The following EYS variants were observed in gnomAD, a reference collection of about 807,000 sequenced individuals.
EYS encodes protein eyes shut homolog.
In EYS, 250 loss-of-function variants were observed where a neutral mutation model predicts 282.1. The ratio of observed to expected loss-of-function variants is 0.89; its 90% CI spans 0.80 to 0.98. The LOEUF (loss-of-function observed/expected upper bound fraction) is 0.98. EYS is among the 50% of genes least tolerant of loss of function. The pLI is 0.00. For synonymous variants in EYS, 1,355 were observed against 1,282.9 expected, an observed-to-expected ratio of 1.06 and a Z score of -1.20; for missense variants, 4,016 against 3,709.0, an observed-to-expected ratio of 1.08 and a Z score of -2.15.
At chr6:64,607,222 G>A (rs1297056037) in intron 24 of EYS, among the ~76,000 whole-genome samples, 1 of 151,730 alleles carries the variant, frequency 6.6e-6, no homozygotes, top group Non-Finnish European at 1.5e-5. Flanking sequence ...GAATAAGCTA[G>A]CAGGTGTAAA....
chr6:65,187,031 A>C lies in EYS; in HGVS notation c.2023+108832T>G, dbSNP rs555849526. 7.2e-5 allele frequency among the ~76,000 whole-genome samples: 11 copies of C among 151,912 alleles called. No homozygotes were observed. The East Asian group carries it at 2.1e-3, about 30-fold the overall frequency. The stretch of plus-strand genomic sequence containing the variant: ...GGGCAGATTCCAATAGGCTGGGAAC[A>C]CAGGCACTATTTGGGGTTGTATACT... On this transcript the variant is annotated intron_variant, in intron 12 of 42. Coordinates refer to ENST00000503581, the MANE Select transcript of EYS (RefSeq NM_001142800.2).
intron 12 of EYS, among the ~76,000 whole-genome samples, chr6:65,264,903 AT>A (rs1767711371): frequency 6.6e-6 from 1 of 151,658 alleles, no homozygotes; most frequent in African/African-American, 2.4e-5. Flanking sequence ...TATTCTATTT[AT>A]TTTATCTAAA....
chr6:64,832,487 A>T (rs1765254517), intron 19 of EYS, among the ~76,000 whole-genome samples: 1 of 151,856 alleles, frequency 6.6e-6, no homozygotes, highest in Admixed American at 6.6e-5. Context: ...AATTTCACTT[A>T]TGCAAGATGA....
Position 64,950,832 on chromosome 6 carries a change from T to TATATATAA in EYS, c.2260-4919_2260-4918insTTATATAT, listed in dbSNP as rs1310289103. ...ATATATATATATATATATATATATA[T>TATATATAA]ATTGTTGAATTGTTACAAGAACAAC... On this transcript the variant is annotated intron_variant, in intron 14 of 42. Transcript: ENST00000503581. 5.9e-3 allele frequency among the ~76,000 whole-genome samples: 606 copies of TATATATAA among 102,858 alleles called. 7 individuals carry two copies. Among genetic ancestry groups the TATATATAA allele is most frequent in the Non-Finnish European group, 8.9e-3 (457 of 51,284 alleles). The allele number at this position is 102,858 out of a possible 152,430, so 67.5% of individuals were successfully genotyped here. A position where few individuals can be genotyped will look rare whatever the true frequency, so the allele number is the denominator to read the frequency against.
At chr6:65,435,662 T>C (rs1386035186) in intron 5 of EYS, among the ~76,000 whole-genome samples, 1 of 152,122 alleles carries the variant, frequency 6.6e-6, no homozygotes, top group African/African-American at 2.4e-5. Flanking sequence ...ATAGAAATAT[T>C]TTCACACTTA....
chr6:64,423,315 C>A (rs1774296354), intron 28 of EYS, among the ~76,000 whole-genome samples: 1 of 152,158 alleles, frequency 6.6e-6, no homozygotes, highest in African/African-American at 2.4e-5. Flanking sequence ...ACCATCAAAC[C>A]TAGACCATTA....
At chr6:65,459,765 CATAAAT>C (rs1337220531) in intron 5 of EYS, among the ~76,000 whole-genome samples, 1 of 150,364 alleles carries the variant, frequency 6.7e-6, no homozygotes, top group African/African-American at 2.4e-5. Flanking sequence ...TTTTTTAGCC[CATAAAT>C]ATTTAAAACC....
chr6:65,131,433 AAAACTGTGC>A (rs1458978360), intron 12 of EYS, among the ~76,000 whole-genome samples: 1 of 151,960 alleles, frequency 6.6e-6, no homozygotes, highest in African/African-American at 2.4e-5. Context: ...AAAATCACTC[AAAACTGTGC>A]AATTACATGA....
At chr6:64,315,294 C>T (rs1049823344) in intron 29 of EYS, among the ~76,000 whole-genome samples, 13 of 152,086 alleles carry the variant, frequency 8.5e-5, no homozygotes, top group South Asian at 2.1e-4. Flanking sequence ...CAACCAAAAA[C>T]GTCCAGGATC....
intron 29 of EYS, among the ~76,000 whole-genome samples, chr6:64,367,220 T>A (rs538813900): frequency 3.3e-5 from 5 of 152,112 alleles, no homozygotes; most frequent in African/African-American, 1.2e-4. Context: ...GCTTTATAGA[T>A]CCTCTCTTCC....
intron 42 of EYS, among the ~76,000 whole-genome samples, chr6:63,724,669 T>A (rs1268225139): frequency 6.6e-6 from 1 of 152,128 alleles, no homozygotes; most frequent in Admixed American, 6.6e-5. Flanking sequence ...AAATCAGAGA[T>A]CTGAGATCAT....
At chr6:65,137,192 C>A (rs7758028) in intron 12 of EYS, among the ~76,000 whole-genome samples, 5,987 of 152,108 alleles carry the variant, frequency 0.039, 314 homozygotes, top group African/African-American at 0.12. Context: ...AAAAGGATAG[C>A]TATATGGTTC....
intron 12 of EYS, among the ~76,000 whole-genome samples, chr6:65,258,383 G>A (rs982867896): frequency 2.9e-4 from 44 of 152,130 alleles, no homozygotes; most frequent in Middle Eastern, 3.4e-3. Context: ...AATCTTCTGA[G>A]AAAATCTGCA....
rs916194327 is a variant in EYS at position 64,005,000 on chromosome 6, G to A, written c.6726-5817C>T. On this transcript the variant is annotated intron_variant, in intron 33 of 42. Transcript: ENST00000503581. Reference sequence around the variant, plus strand: ...TATCCAATAATGCGATTACTGGGTCGAATGGTAATTCTGTTTTAAGTTCTT... The same window carrying A: ...TATCCAATAATGCGATTACTGGGTCAAATGGTAATTCTGTTTTAAGTTCTT... Among the ~76,000 whole-genome samples the A allele has an allele frequency of 7.2e-5, 11 of 152,156 alleles. No individual in the cohort carries two copies. The South Asian group carries it at 1.9e-3, about 26-fold the overall frequency.
At chr6:64,411,389 TG>T (rs1773884535) in intron 28 of EYS, among the ~76,000 whole-genome samples, 1 of 152,034 alleles carries the variant, frequency 6.6e-6, no homozygotes, top group African/African-American at 2.4e-5. Flanking sequence ...AAAAGACACA[TG>T]TGAGAACCAA....
intron 35 of EYS, among the ~76,000 whole-genome samples, chr6:63,976,084 A>C (rs1766823781): frequency 2.0e-5 from 3 of 152,014 alleles, no homozygotes; most frequent in Admixed American, 6.6e-5. Flanking sequence ...AAAGATGTAT[A>C]AAAATACAGT....
chr6:63,887,152 A>G (rs1773280103), intron 35 of EYS, among the ~76,000 whole-genome samples: 1 of 152,100 alleles, frequency 6.6e-6, no homozygotes, highest in African/African-American at 2.4e-5. Flanking sequence ...GTTAGATATT[A>G]ATATAAGCTC....
intron 15 of EYS, among the ~76,000 whole-genome samples, chr6:64,929,921 G>T (rs552282779): frequency 2.3e-4 from 35 of 151,984 alleles, no homozygotes; most frequent in Non-Finnish European, 8.8e-5. Flanking sequence ...CATAAGTTAC[G>T]GAAAATATCT....
At chr6:64,578,368 A>G (rs974728632) in intron 26 of EYS, among the ~76,000 whole-genome samples, 2 of 152,084 alleles carry the variant, frequency 1.3e-5, no homozygotes, top group African/African-American at 2.4e-5. Context: ...GAAAATGTCA[A>G]TACATGCCTA....
Sources: gnomAD v4.1 joint callset for allele counts (sites outside exome capture counted in the v4.1 genomes callset) on GRCh38, gnomAD v4.1.1 for gene constraint, MANE v1.5 for transcripts, NCBI Gene and HGNC (gene_info 2026-07-23, HGNC 2026-07-21) for gene names.